Variants in ESRRB observed in about 807,000 individuals in gnomAD.
ESRRB encodes estrogen related receptor beta, also known as steroid hormone receptor ERR2.
ESRRB carries 16 observed loss-of-function variants against 46.0 expected under a neutral mutation model. The observed-to-expected ratio is 0.35, with a 90% CI of 0.24 to 0.53. The LOEUF is 0.53. ESRRB is among the 20% of genes least tolerant of loss of function. The pLI is 0.93. For synonymous variants in ESRRB, 246 were observed against 259.6 expected, an observed-to-expected ratio of 0.95 and a Z score of 0.50; for missense variants, 488 against 607.4, an observed-to-expected ratio of 0.80 and a Z score of 2.07.
intron 1 of ESRRB, among the ~76,000 whole-genome samples, chr14:76,364,113 T>A (rs143103981): frequency 1.1e-3 from 174 of 152,310 alleles, no homozygotes; most frequent in African/African-American, 2.8e-3. Context: ...CTGAGATTGA[T>A]GCTCTAGTTG....
rs948057136 is a variant in ESRRB at position 76,481,884 on chromosome 14, G to A, written c.578-132G>A. On this transcript the variant is annotated intron_variant, in intron 3 of 6. Coordinates refer to ENST00000644823, the MANE Select transcript of ESRRB (RefSeq NM_001379180.1). ...CCAGCCACCTGGCCTGAGGCTGGCC[G>A]TGGGGCAGCTGTCGAAGGTCATCCG... is the stretch of plus-strand genomic sequence containing the variant. 52 of 799,458 alleles carry A rather than the reference G, an allele frequency of 6.5e-5. No individual in the cohort carries two copies. The African/African-American group carries it at 6.9e-4, about 11-fold the overall frequency. The allele number at this position is 799,458 out of a possible 1,614,324, so 49.5% of individuals were successfully genotyped here.
chr14:76,458,840 C>CTTTT (rs58084859), intron 2 of ESRRB, among the ~76,000 whole-genome samples: 10 of 126,268 alleles, frequency 7.9e-5, no homozygotes, highest in Non-Finnish European at 1.0e-4. Context: ...TCACCCTCTC[C>CTTTT]TTTTTTTTTT....
At chr14:76,354,866 C>A (rs1884360176) in intron 1 of ESRRB, among the ~76,000 whole-genome samples, 1 of 151,982 alleles carries the variant, frequency 6.6e-6, no homozygotes, top group Non-Finnish European at 1.5e-5. Context: ...TCCACCACCA[C>A]GCCCGGCTAA....
At chr14:76,462,391 T>C (rs1243713337) in intron 2 of ESRRB, among the ~76,000 whole-genome samples, 154 bp from the exon 3 acceptor site, 2 of 152,186 alleles carry the variant, frequency 1.3e-5, no homozygotes, top group East Asian at 3.9e-4. Context: ...GAGTTCAAAA[T>C]GTTCTGACAA....
At chr14:76,396,484 A>G (rs1885687473) in intron 1 of ESRRB, among the ~76,000 whole-genome samples, 1 of 152,200 alleles carries the variant, frequency 6.6e-6, no homozygotes, top group African/African-American at 2.4e-5. Context: ...GTATGTACAT[A>G]TTCTATAATG....
intron 2 of ESRRB, among the ~76,000 whole-genome samples, chr14:76,444,840 T>C (rs1888064338): frequency 6.6e-6 from 1 of 152,110 alleles, no homozygotes. Context: ...GAATGAGCCA[T>C]TCACGAGTGC....
chr14:76,338,925 A>G (rs2139748693), intron 1 of ESRRB, among the ~76,000 whole-genome samples: 1 of 152,348 alleles, frequency 6.6e-6, no homozygotes, highest in South Asian at 2.1e-4. Flanking sequence ...CCTGGGCAAC[A>G]AAGCTAGATT....
chr14:76,479,217 T>G (rs866321774), intron 3 of ESRRB, among the ~76,000 whole-genome samples: 4 of 144,914 alleles, frequency 2.8e-5, no homozygotes, highest in African/African-American at 1.0e-4. Flanking sequence ...CACTGTCTGT[T>G]TGTGTGTGTG....
chr14:76,319,692 T>C (rs904485724), intron 1 of ESRRB, among the ~76,000 whole-genome samples: 7 of 152,178 alleles, frequency 4.6e-5, no homozygotes, highest in South Asian at 4.1e-4. Flanking sequence ...AAGATGGATA[T>C]GAGTCCCCGC....
intron 1 of ESRRB, among the ~76,000 whole-genome samples, chr14:76,333,143 T>TTATATA (rs1884071282): frequency 0.015 from 75 of 5,006 alleles, 28 homozygotes; most frequent in Admixed American, 0.027. Context: ...TATTATATAT[T>TTATATA]ATATATTATA....
At chr14:76,464,416 C>G (rs1889019708) in intron 3 of ESRRB, among the ~76,000 whole-genome samples, 1 of 152,238 alleles carries the variant, frequency 6.6e-6, no homozygotes, top group South Asian at 2.1e-4. Flanking sequence ...CCTTCCACTT[C>G]CGTTTACCAT....
At chr14:76,369,507 C>G (rs770115748), upstream of ESRRB, among the ~76,000 whole-genome samples, 1 of 152,036 alleles carries the variant, frequency 6.6e-6, no homozygotes, top group Non-Finnish European at 1.5e-5. Context: ...CTCCTGAGCT[C>G]AGGTGATCCA....
intron 3 of ESRRB, among the ~76,000 whole-genome samples, chr14:76,464,576 T>G (rs1339829100): frequency 3.3e-5 from 5 of 152,158 alleles, no homozygotes. Context: ...AACCCCTTTG[T>G]GATGGAGTGG....
At chr14:76,463,014 T>TA (rs1408920214) in intron 3 of ESRRB, among the ~76,000 whole-genome samples, 1 of 152,112 alleles carries the variant, frequency 6.6e-6, no homozygotes, top group African/African-American at 2.4e-5. Flanking sequence ...CTCAAGGGCT[T>TA]GGGGGTGAAA....
At chr14:76,329,071 G>T (rs550317853) in intron 1 of ESRRB, among the ~76,000 whole-genome samples, 1 of 152,188 alleles carries the variant, frequency 6.6e-6, no homozygotes, top group Admixed American at 6.5e-5. Context: ...GAAGGGAAGG[G>T]GCTTGGCAGC....
chr14:76,429,391 A>G (rs1392210473), intron 1 of ESRRB, among the ~76,000 whole-genome samples: 1 of 152,232 alleles, frequency 6.6e-6, no homozygotes, highest in Non-Finnish European at 1.5e-5. Flanking sequence ...TTGAAAGCTG[A>G]AAGATACACA....
rs575216097 is a variant in ESRRB, at chr14:76,429,526, G to A, written c.51-9815G>A. Among the ~76,000 whole-genome samples the A allele has an allele frequency of 3.9e-5, 6 of 152,290 alleles. No homozygotes were observed. The East Asian group carries it at 1.2e-3, about 29-fold the overall frequency. On this transcript the variant is annotated intron_variant, in intron 1 of 6. Transcript: ENST00000644823. The stretch of plus-strand genomic sequence containing the variant: ...AGCACTTTGGGAGGCCAAGACGGGT[G>A]GATCACCTGAGGTTGGGAGTTCCAG...
At chr14:76,333,064 T>TAA (rs1884062197) in intron 1 of ESRRB, among the ~76,000 whole-genome samples, 1 of 9,490 alleles carries the variant, frequency 1.1e-4, no homozygotes, top group African/African-American at 3.3e-4. Context: ...ATATTATATA[T>TAA]TATATATTAT....
At chr14:76,417,807 G>T (rs562846110) in intron 1 of ESRRB, among the ~76,000 whole-genome samples, 1 of 152,098 alleles carries the variant, frequency 6.6e-6, no homozygotes, top group African/African-American at 2.4e-5. Flanking sequence ...GAGGCCCGAG[G>T]CATCACACAG....
Sources: gnomAD v4.1 joint callset for allele counts (sites outside exome capture counted in the v4.1 genomes callset) on GRCh38, gnomAD v4.1.1 for gene constraint, MANE v1.5 for transcripts, NCBI Gene and HGNC (gene_info 2026-07-23, HGNC 2026-07-21) for gene names.